Variants in BCAS4 observed in about 807,000 individuals in gnomAD.
The protein encoded by BCAS4 is breast carcinoma-amplified sequence 4.
A neutral mutation model predicts 15.7 loss-of-function variants in BCAS4; 9 were observed. That is an observed-to-expected ratio of 0.57 (90% CI 0.34 to 1.00). The LOEUF is 1.00. BCAS4 is among the 50% of genes least tolerant of loss of function. BCAS4 has a pLI of 0.02. For synonymous variants in BCAS4, 101 were observed against 99.5 expected (o/e 1.02, Z -0.09); for missense variants, 225 against 239.1 (o/e 0.94, Z 0.39).
intron 4 of BCAS4, among the ~76,000 whole-genome samples, chr20:50,865,072 G>T (rs8114757): frequency 6.6e-6 from 1 of 152,122 alleles, no homozygotes; most frequent in East Asian, 1.9e-4. Context: ...CAGCCTGGGC[G>T]ACAGAGCAAG....
At chr20:50,867,901 G>C (rs987276237) in intron 4 of BCAS4, among the ~76,000 whole-genome samples, 17 of 152,114 alleles carry the variant, frequency 1.1e-4, no homozygotes, top group African/African-American at 4.1e-4. Flanking sequence ...ATGACAGAGA[G>C]AGACTCCATC....
At chr20:50,863,795 G>A (rs778870523) in intron 4 of BCAS4, among the ~76,000 whole-genome samples, 9 of 152,184 alleles carry the variant, frequency 5.9e-5, no homozygotes, top group Non-Finnish European at 1.0e-4. Flanking sequence ...TTGGGGAGGT[G>A]GATCTCAGTG....
chr20:50,875,374 C>T (rs540828075), intron 4 of BCAS4, among the ~76,000 whole-genome samples: 6 of 152,272 alleles, frequency 3.9e-5, no homozygotes, highest in Admixed American at 1.3e-4. Flanking sequence ...TCACCAGAAA[C>T]GAGGAAGCAC....
intron 3 of BCAS4, among the ~76,000 whole-genome samples, chr20:50,837,388 A>G (rs2088422603): frequency 1.3e-5 from 2 of 152,166 alleles, no homozygotes. Flanking sequence ...GGAGTTCAAG[A>G]TCAGCCTGGG....
chr20:50,850,620 G>GT, intron 4 of BCAS4, among the ~76,000 whole-genome samples: 1 of 152,174 alleles, frequency 6.6e-6, no homozygotes, highest in South Asian at 2.1e-4. Flanking sequence ...GTTTTTATTT[G>GT]GGGGGGTTGC....
At chr20:50,805,964 G>A (rs2087984379) in intron 1 of BCAS4, among the ~76,000 whole-genome samples, 1 of 147,954 alleles carries the variant, frequency 6.8e-6, no homozygotes, top group Admixed American at 6.8e-5. Context: ...GCGACAGAGC[G>A]AGACTCCATC....
intron 4 of BCAS4, among the ~76,000 whole-genome samples, chr20:50,861,056 G>A (rs1331254671): frequency 6.6e-6 from 1 of 151,932 alleles, no homozygotes; most frequent in Non-Finnish European, 1.5e-5. Context: ...ATTTGCTGGG[G>A]TGGTCAAGCA....
chr20:50,872,293 G>A lies in BCAS4; in HGVS notation c.400-4193G>A, dbSNP rs550831415. Among the ~76,000 whole-genome samples the A allele has an allele frequency of 3.7e-3, 531 of 142,080 alleles. 7 individuals carry two copies. The highest frequency in any genetic ancestry group is 0.013 in the African/African-American group (490 of 37,072). The allele number at this position is 142,080 out of a possible 152,430, so 93.2% of individuals were successfully genotyped here. A position where few individuals can be genotyped will look rare whatever the true frequency, so the allele number is the denominator to read the frequency against. On this transcript the variant is annotated intron_variant, in intron 4 of 4. Coordinates refer to ENST00000371608, the MANE Select transcript of BCAS4 (RefSeq NM_198799.4). ...AAAAAAAAAAAAAAAAAGAGGGGCC[G>A]GGCATGGTGGCTCACGCCTGTAATT...
rs1978394915 is a variant in BCAS4 at position 50,851,115 on chromosome 20, AGGTGACTCGG to A, written c.399+9218_399+9227del. 3.6e-5 allele frequency among the ~76,000 whole-genome samples: 1 copy of A among 27,688 alleles called. No homozygotes were observed. The highest frequency in any genetic ancestry group is 6.6e-5 in the Non-Finnish European group (1 of 15,248). 18.2% of individuals were successfully genotyped at this position (27,688 alleles called of 152,430 possible). On this transcript the variant is annotated intron_variant, in intron 4 of 4. Transcript: ENST00000371608. The surrounding 1 kb of genome is among the most constrained non-coding windows in gnomAD (Gnocchi z 4.3). ...CTCCCCTGCAGAATCCCCCTGCAGG[AGGTGACTCGG>A]GGAGGGAGCCCGACAGCTCAGCTTT... is the stretch of plus-strand genomic sequence containing the variant.
chr20:50,809,782 C>T (rs1211363763), intron 1 of BCAS4, among the ~76,000 whole-genome samples: 3 of 152,104 alleles, frequency 2.0e-5, no homozygotes, highest in African/African-American at 7.2e-5. Context: ...TGGTTTGTTT[C>T]ATCAGTGTTT....
At chr20:50,864,826 G>C (rs1380895175) in intron 4 of BCAS4, among the ~76,000 whole-genome samples, 1 of 152,016 alleles carries the variant, frequency 6.6e-6, no homozygotes, top group African/African-American at 2.4e-5. Context: ...GGGCGCAGTG[G>C]CTCATGCCTG....
intron 3 of BCAS4, among the ~76,000 whole-genome samples, chr20:50,835,614 G>A (rs973118390): frequency 2.0e-5 from 3 of 152,142 alleles, no homozygotes; most frequent in Non-Finnish European, 4.4e-5. Flanking sequence ...GGGACCAGGT[G>A]TTAGAAGACC....
chr20:50,797,814 C>A (rs954870735), intron 1 of BCAS4, among the ~76,000 whole-genome samples: 7 of 152,002 alleles, frequency 4.6e-5, no homozygotes, highest in African/African-American at 1.7e-4. Context: ...TACAGGCATG[C>A]GCCACCACGC....
At chr20:50,844,639 G>T (rs1204215161) in intron 4 of BCAS4, among the ~76,000 whole-genome samples, 1 of 152,122 alleles carries the variant, frequency 6.6e-6, no homozygotes, top group Non-Finnish European at 1.5e-5. Context: ...AGAGACTGAG[G>T]CTTGGAGATG....
intron 4 of BCAS4, among the ~76,000 whole-genome samples, chr20:50,871,073 G>A (rs1979615922): frequency 6.6e-6 from 1 of 152,264 alleles, no homozygotes; most frequent in African/African-American, 2.4e-5. Flanking sequence ...CGGAGGGCGA[G>A]AGGTGGGACG....
intron 4 of BCAS4, among the ~76,000 whole-genome samples, chr20:50,870,258 G>A (rs1979567425): frequency 6.6e-6 from 1 of 152,224 alleles, no homozygotes; most frequent in Non-Finnish European, 1.5e-5. Context: ...AGGGATGTGC[G>A]ATTAGGGCTT....
chr20:50,828,840 A>G (rs1441135029), intron 2 of BCAS4, among the ~76,000 whole-genome samples: 2 of 152,154 alleles, frequency 1.3e-5, no homozygotes, highest in African/African-American at 4.8e-5. Flanking sequence ...GGATTACATG[A>G]GGGTGAGGAT....
At chr20:50,828,694 G>T (rs1395066557) in intron 2 of BCAS4, among the ~76,000 whole-genome samples, 1 of 152,134 alleles carries the variant, frequency 6.6e-6, no homozygotes, top group Admixed American at 6.5e-5. Context: ...CAGGAGAATC[G>T]CCTGGACCTG....
chr20:50,875,350 C>G (rs905986447), intron 4 of BCAS4, among the ~76,000 whole-genome samples: 13 of 152,224 alleles, frequency 8.5e-5, no homozygotes, highest in African/African-American at 4.8e-5. Context: ...CTCCGCCTCC[C>G]TCCACAAAAA....
Sources: allele counts gnomAD v4.1 joint callset (sites outside exome capture counted in the v4.1 genomes callset), GRCh38; gene constraint gnomAD v4.1.1; non-coding constraint Gnocchi (gnomAD v3.1); transcripts MANE v1.5; gene names NCBI Gene and HGNC (gene_info 2026-07-23, HGNC 2026-07-21).